Variants in RANBP2 observed in about 807,000 individuals in gnomAD.
The protein encoded by RANBP2 is E3 SUMO-protein ligase RanBP2.
Under a neutral mutation model 303.6 loss-of-function variants are expected in RANBP2, and 57 were observed. The ratio of observed to expected loss-of-function variants is 0.19; its 90% CI spans 0.15 to 0.23. The LOEUF (loss-of-function observed/expected upper bound fraction) is 0.23. Ranked by LOEUF, RANBP2 falls within the 10% of genes least tolerant of loss-of-function variation. The pLI is 1.00. For synonymous variants in RANBP2, 1,167 were observed against 1,301.5 expected, an observed-to-expected ratio of 0.90 and a Z score of 2.23; for missense variants, 3,138 against 3,780.8, an observed-to-expected ratio of 0.83 and a Z score of 4.46.
chr2:109,099,817 A>G, the RANBP2 span, among the ~76,000 whole-genome samples: 1 of 151,522 alleles, frequency 6.6e-6, no homozygotes, highest in Non-Finnish European at 1.5e-5. Context: ...TACCTATTTT[A>G]TATTCTTTTT....
chr2:108,906,613 A>G, the RANBP2 span, among the ~76,000 whole-genome samples: 1 of 152,236 alleles, frequency 6.6e-6, no homozygotes, highest in Non-Finnish European at 1.5e-5. Context: ...TCAGACTCGT[A>G]AGATACTTGG....
chr2:109,630,147 A>G, the RANBP2 span, among the ~76,000 whole-genome samples: 1 of 152,218 alleles, frequency 6.6e-6, no homozygotes, highest in East Asian at 1.9e-4. Context: ...AAGCGTGTGT[A>G]TAATTATAAT....
At chr2:109,032,680 A>T in the RANBP2 span, among the ~76,000 whole-genome samples, 1 of 152,042 alleles carries the variant, frequency 6.6e-6, no homozygotes, top group African/African-American at 2.4e-5. Context: ...GCCACCTCTC[A>T]CCTCTTGCAC....
the RANBP2 span, among the ~76,000 whole-genome samples, chr2:109,294,692 C>T: frequency 6.6e-6 from 1 of 152,034 alleles, no homozygotes; most frequent in African/African-American, 2.4e-5. Context: ...CGGGGCTGGG[C>T]TCAGCTGGGA....
the RANBP2 span, among the ~76,000 whole-genome samples, chr2:109,217,318 G>A: frequency 1.3e-5 from 2 of 152,286 alleles, no homozygotes; most frequent in African/African-American, 4.8e-5. Flanking sequence ...AACCTTGGTT[G>A]TTCTCTTTGT....
chr2:109,166,446 C>T, the RANBP2 span, among the ~76,000 whole-genome samples: 2 of 141,580 alleles, frequency 1.4e-5, no homozygotes, highest in Admixed American at 1.5e-4. Context: ...CACTGTACTC[C>T]AGCCTGGTGA....
At chr2:109,110,657 A>C in the RANBP2 span, among the ~76,000 whole-genome samples, 1 of 152,218 alleles carries the variant, frequency 6.6e-6, no homozygotes, top group Non-Finnish European at 1.5e-5. Context: ...TGGCCAATGC[A>C]AGAGTTTCAT....
At position 108,782,541 on chromosome 2, in the gene RANBP2, A is replaced by G. The variant is rs1359576300; in HGVS notation, c.9048A>G (p.Lys3016=). ...CCTCCCTGCCAGATGGAGAAGCAAAAGTAGAACAGCTTGCAGTGAGATTTA... is the reference window on the plus strand; with the variant it reads ...CCTCCCTGCCAGATGGAGAAGCAAAGGTAGAACAGCTTGCAGTGAGATTTA... The part of the protein sequence containing the change: ...TASDYADGEA[K]VEQLAVRFKT... Residue 3016 remains lysine, a synonymous_variant, in exon 28 of 29, where the codon AAA becomes AAG. Transcript: ENST00000283195. 13 of 1,614,188 alleles carry G rather than the reference A, an allele frequency of 8.1e-6. No individual in the cohort carries two copies. The highest frequency in any genetic ancestry group is 1.1e-5 in the Non-Finnish European group (13 of 1,180,032).
the RANBP2 span, among the ~76,000 whole-genome samples, chr2:109,053,261 C>G: frequency 1.3e-5 from 2 of 152,296 alleles, no homozygotes; most frequent in Middle Eastern, 3.4e-3. Context: ...TGTGAGAGGG[C>G]GAAACACTCG....
chr2:109,588,784 C>A, the RANBP2 span, among the ~76,000 whole-genome samples: 9 of 150,030 alleles, frequency 6.0e-5, no homozygotes, highest in East Asian at 1.6e-3. Flanking sequence ...AGCCACCATG[C>A]CAGGCTAAAA....
At chr2:108,882,448 T>A in the RANBP2 span, 1 of 152,190 alleles carries the variant, frequency 6.6e-6, no homozygotes, top group African/African-American at 2.4e-5. Context: ...TGTCAGATCC[T>A]TTTCTATGCT....
At position 108,732,855 on chromosome 2, in the gene RANBP2, G is replaced by T. The variant is rs375357218; in HGVS notation, c.405+1381G>T. On this transcript the variant is annotated intron_variant, in intron 4 of 28. Coordinates refer to ENST00000283195, the MANE Select transcript of RANBP2 (RefSeq NM_006267.5). ...TTCATTTTTTTTGAGACGGAGTCTC[G>T]CTCTATTGCCCAGGTTAGAGTTCAC... 1.1e-4 allele frequency among the ~76,000 whole-genome samples: 17 copies of T among 152,094 alleles called. No individual in the cohort carries two copies. In the South Asian group the frequency reaches 3.3e-3, roughly 30 times the overall value.
the RANBP2 span, among the ~76,000 whole-genome samples, chr2:108,832,219 G>A: frequency 6.6e-6 from 1 of 151,610 alleles, no homozygotes; most frequent in Non-Finnish European, 1.5e-5. Flanking sequence ...TAGAGACGGG[G>A]TTTTACCATG....
the RANBP2 span, among the ~76,000 whole-genome samples, chr2:109,152,782 G>C: frequency 6.6e-6 from 1 of 152,174 alleles, no homozygotes; most frequent in Admixed American, 6.5e-5. Flanking sequence ...TCCCAGGCCC[G>C]ATGGCCTGAT....
the RANBP2 span, among the ~76,000 whole-genome samples, chr2:109,200,558 A>G: frequency 6.6e-6 from 1 of 152,054 alleles, no homozygotes; most frequent in Non-Finnish European, 1.5e-5. Flanking sequence ...CCCGGCCTCC[A>G]GCCTTGCTCT....
chr2:109,452,965 G>T, the RANBP2 span, among the ~76,000 whole-genome samples: 9 of 151,106 alleles, frequency 6.0e-5, no homozygotes, highest in Non-Finnish European at 1.2e-4. Context: ...GTCCCTGGGA[G>T]GCTGGTCCCT....
At chr2:108,809,164 C>T in the RANBP2 span, among the ~76,000 whole-genome samples, 721 of 152,164 alleles carry the variant, frequency 4.7e-3, 2 homozygotes, top group Non-Finnish European at 6.6e-3. Context: ...TATGCTGTTC[C>T]ATTAGTCTAT....
At chr2:108,800,544 C>T in the RANBP2 span, among the ~76,000 whole-genome samples, 16 of 142,148 alleles carry the variant, frequency 1.1e-4, no homozygotes, top group Admixed American at 1.1e-3. Context: ...GGATCACAGG[C>T]GTGCCTGGCC....
the RANBP2 span, among the ~76,000 whole-genome samples, chr2:109,602,582 G>A: frequency 7.9e-5 from 12 of 151,866 alleles, no homozygotes; most frequent in South Asian, 2.1e-4. Flanking sequence ...GGGTGAGGCA[G>A]GAGAATCGCT....
Sources: allele counts gnomAD v4.1 joint callset (sites outside exome capture counted in the v4.1 genomes callset), GRCh38; gene constraint gnomAD v4.1.1; transcripts MANE v1.5; gene names NCBI Gene and HGNC (gene_info 2026-07-23, HGNC 2026-07-21).